ACVR1: variants seen among roughly 807,000 people sequenced by gnomAD.
ACVR1 encodes the protein activin A receptor type 1, also known as activin receptor type-1.
A neutral mutation model predicts 57.1 loss-of-function variants in ACVR1; 38 were observed. The observed-to-expected ratio is 0.67, with a 90% CI of 0.51 to 0.87. The LOEUF is 0.87. ACVR1 is among the 40% of genes least tolerant of loss of function. The pLI, the probability that ACVR1 is intolerant of heterozygous loss-of-function variation, is 0.00. For missense variants in ACVR1, 463 were observed against 638.2 expected (o/e 0.73, Z 2.96); for synonymous variants, 212 against 228.1 (o/e 0.93, Z 0.63).
Position 157,737,315 on chromosome 2 carries a change from A to C in ACVR1, c.*216T>G, listed in dbSNP as rs1684569467. The C allele has an allele frequency of 1.6e-6, 1 of 628,952 alleles. No individual in the cohort carries two copies. 39.0% of individuals were successfully genotyped at this position (628,952 alleles called of 1,614,324 possible). A position where few individuals can be genotyped will look rare whatever the true frequency, so the allele number is the denominator to read the frequency against. On this transcript the variant is annotated 3_prime_UTR_variant, in exon 11 of 11. Transcript: ENST00000434821. ...CAACATTAGTCTCTGCAGTGTGAACAGTTCGTGAAATGCCCAGTTCACAGT... is the reference window on the plus strand; with the variant it reads ...CAACATTAGTCTCTGCAGTGTGAACCGTTCGTGAAATGCCCAGTTCACAGT...
At chr2:157,850,919 T>C (rs1333635921) in intron 1 of ACVR1, among the ~76,000 whole-genome samples, 3 of 152,142 alleles carry the variant, frequency 2.0e-5, no homozygotes, top group African/African-American at 7.2e-5. Context: ...ATCGCGCCAC[T>C]GCACTCCAGT....
chr2:157,774,561 T>C (rs1393926693), intron 5 of ACVR1, among the ~76,000 whole-genome samples: 2 of 151,736 alleles, frequency 1.3e-5, no homozygotes, highest in Admixed American at 1.3e-4. Flanking sequence ...ACGGGGTTTC[T>C]CCATGTTGGT....
At chr2:157,869,490 A>T (rs952015232) in intron 1 of ACVR1, among the ~76,000 whole-genome samples, 1 of 152,226 alleles carries the variant, frequency 6.6e-6, no homozygotes, top group Non-Finnish European at 1.5e-5. Flanking sequence ...TAGAATTTTT[A>T]AAATAAAAAT....
In ACVR1 at chr2:157,780,376, A is replaced by G; in HGVS notation, c.292T>C (p.Trp98Arg). 6.2e-7 allele frequency: 1 copy of G among 1,614,202 alleles called. No individual in the cohort carries two copies. Among genetic ancestry groups the G allele is most frequent in the Non-Finnish European group, 8.5e-7 (1 of 1,180,010 alleles). Residue 98 changes from tryptophan (W) to arginine (R), a missense_variant, in exon 4 of 11, where the codon TGG becomes CGG. Trp to Arg is a moderately radical substitution (Grantham distance 101). Coordinates refer to ENST00000434821, the MANE Select transcript of ACVR1 (RefSeq NM_001111067.4). The stretch of plus-strand genomic sequence containing the variant: ...TGGGCCGTGATGTTCCTGTTACACC[A>G]GTCCCCTTGGCAGCACTCCACGGCT... ...GQAVECCQGDWCNRNITAQLP... is the reference protein window; with the variant it reads ...GQAVECCQGDRCNRNITAQLP...
intron 1 of ACVR1, among the ~76,000 whole-genome samples, chr2:157,857,128 G>T (rs1689561296): frequency 1.3e-5 from 2 of 152,130 alleles, no homozygotes; most frequent in African/African-American, 4.8e-5. Context: ...AGCCCAGGAG[G>T]TTGAGGCTGC....
intron 1 of ACVR1, among the ~76,000 whole-genome samples, chr2:157,855,650 C>T (rs1689506514): frequency 6.6e-6 from 1 of 152,092 alleles, no homozygotes; most frequent in East Asian, 1.9e-4. Context: ...GAGTCAGCAA[C>T]ACCGTGAGTG....
At chr2:157,801,961 G>T (rs879826597) in intron 2 of ACVR1, among the ~76,000 whole-genome samples, 5 of 151,968 alleles carry the variant, frequency 3.3e-5, no homozygotes, top group African/African-American at 7.3e-5. Flanking sequence ...ATATAAACAG[G>T]GTCCTTGCTA....
chr2:157,788,824 G>A (rs1235253377), intron 3 of ACVR1, among the ~76,000 whole-genome samples: 5 of 151,594 alleles, frequency 3.3e-5, no homozygotes, highest in South Asian at 2.1e-4. Flanking sequence ...AAAAACTTGG[G>A]GCAGAGTCCA....
intron 9 of ACVR1, among the ~76,000 whole-genome samples, chr2:157,744,363 C>T (rs1290946399): frequency 2.0e-5 from 3 of 152,192 alleles, no homozygotes; most frequent in Non-Finnish European, 2.9e-5. Context: ...TAAGTGAATA[C>T]AGTGTTTCCT....
intron 2 of ACVR1, among the ~76,000 whole-genome samples, chr2:157,812,554 T>C (rs1346886230): frequency 6.6e-6 from 1 of 152,188 alleles, no homozygotes; most frequent in Non-Finnish European, 1.5e-5. Context: ...GTGTTTTATT[T>C]TACATTAAAA....
intron 8 of ACVR1, among the ~76,000 whole-genome samples, chr2:157,765,511 C>T (rs1685830673): frequency 6.6e-6 from 1 of 151,924 alleles, no homozygotes; most frequent in African/African-American, 2.4e-5. Flanking sequence ...TTGGGTTTTA[C>T]AACATTTGTC....
intron 4 of ACVR1, 80 bp downstream of exon 4, chr2:157,780,257 A>G (rs1446003799): frequency 3.1e-6 from 5 of 1,591,042 alleles, no homozygotes; most frequent in Non-Finnish European, 4.3e-6. Context: ...CCTCATAGCT[A>G]CTTAGATCTT....
intron 9 of ACVR1, among the ~76,000 whole-genome samples, chr2:157,743,151 G>A (rs1259028007): frequency 6.6e-6 from 1 of 152,072 alleles, no homozygotes; most frequent in Non-Finnish European, 1.5e-5. Flanking sequence ...TGTCATCGTG[G>A]TCAAGTTTTA....
intron 1 of ACVR1, among the ~76,000 whole-genome samples, chr2:157,850,908 G>C (rs1689275880): frequency 6.6e-6 from 1 of 152,150 alleles, no homozygotes; most frequent in Admixed American, 6.5e-5. Context: ...AATGAGTCGA[G>C]ATCGCGCCAC....
intron 9 of ACVR1, among the ~76,000 whole-genome samples, chr2:157,757,065 A>G (rs796323257): frequency 6.8e-5 from 10 of 146,582 alleles, no homozygotes; most frequent in African/African-American, 2.5e-4. Context: ...CTACTAACCC[A>G]TAAAAAGAAT....
intron 9 of ACVR1, among the ~76,000 whole-genome samples, chr2:157,759,278 T>C (rs1685552606): frequency 6.6e-6 from 1 of 151,492 alleles, no homozygotes; most frequent in South Asian, 2.1e-4. Flanking sequence ...AAGACTCAAA[T>C]AAATAAAATC....
chr2:157,871,686 A>G (rs1460161578), intron 1 of ACVR1, among the ~76,000 whole-genome samples: 1 of 152,224 alleles, frequency 6.6e-6, no homozygotes, highest in Non-Finnish European at 1.5e-5. Context: ...TGGATCACAT[A>G]AGAGCCTTTA....
chr2:157,753,057 C>G (rs187732409), intron 9 of ACVR1, among the ~76,000 whole-genome samples: 56 of 152,246 alleles, frequency 3.7e-4, no homozygotes, highest in Non-Finnish European at 7.5e-4. Context: ...TATCTGCTGC[C>G]TTCAAGAGAC....
chr2:157,811,046 G>T (rs1687736104), intron 2 of ACVR1, among the ~76,000 whole-genome samples: 3 of 152,200 alleles, frequency 2.0e-5, no homozygotes, highest in African/African-American at 7.2e-5. Context: ...GTGATGCTGA[G>T]AATGACAAGG....
Sources: gnomAD v4.1 joint callset for allele counts (sites outside exome capture counted in the v4.1 genomes callset) on GRCh38, gnomAD v4.1.1 for gene constraint, MANE v1.5 for transcripts, NCBI Gene and HGNC (gene_info 2026-07-23, HGNC 2026-07-21) for gene names.